Variants in PEMT observed in about 807,000 individuals in gnomAD.
PEMT encodes the protein phosphatidylethanolamine N-methyltransferase, also known as phospholipid methyltransferase.
A neutral mutation model predicts 27.4 loss-of-function variants in PEMT; 23 were observed. The observed-to-expected ratio is 0.84, with a 90% CI of 0.60 to 1.19. PEMT has a LOEUF of 1.19. PEMT is among the 50% of genes most tolerant of loss of function. The pLI, the probability that PEMT is intolerant of heterozygous loss-of-function variation, is 0.00. For missense variants in PEMT, 307 were observed against 310.1 expected (o/e 0.99, Z 0.07); for synonymous variants, 137 against 139.1 (o/e 0.98, Z 0.11).
In PEMT at chr17:17,505,723, C is replaced by T. The variant is rs962333087; in HGVS notation, c.*68G>A. 28 of 1,506,134 alleles carry T rather than the reference C, an allele frequency of 1.9e-5. No homozygotes were observed. Among genetic ancestry groups the T allele is most frequent in the South Asian group, 1.0e-4 (8 of 76,542 alleles). The allele number at this position is 1,506,134 out of a possible 1,614,324, so 93.3% of individuals were successfully genotyped here. ...AGCAGCAGGCACCATTCTCGCCCTG[C>T]GCAGGGCCTGCCACTTGGGGCAGGC... On this transcript the variant is annotated 3_prime_UTR_variant, in exon 7 of 7. Transcript: ENST00000255389.
chr17:17,551,522 G>C (rs1454024896), intron 2 of PEMT, among the ~76,000 whole-genome samples: 4 of 152,178 alleles, frequency 2.6e-5, no homozygotes, highest in Admixed American at 1.3e-4. Flanking sequence ...AGACAAGCTG[G>C]CGTGGGAGTG....
At chr17:17,548,452 C>T (rs1055579893) in intron 2 of PEMT, among the ~76,000 whole-genome samples, 1 of 152,224 alleles carries the variant, frequency 6.6e-6, no homozygotes, top group Non-Finnish European at 1.5e-5. Flanking sequence ...GATCATGTCA[C>T]CTGGGCCCTT....
intron 2 of PEMT, among the ~76,000 whole-genome samples, chr17:17,541,745 C>T (rs1194915330): frequency 1.3e-5 from 2 of 152,208 alleles, no homozygotes; most frequent in African/African-American, 2.4e-5. Context: ...CCTCAGCGAC[C>T]GGGGCCTGCC....
intron 3 of PEMT, chr17:17,518,109 A>T: frequency 1.0e-6 from 1 of 985,186 alleles, no homozygotes; most frequent in Non-Finnish European, 1.2e-6. Context: ...GCCCTGGGAG[A>T]CTCCAGGCAA....
intron 2 of PEMT, among the ~76,000 whole-genome samples, chr17:17,528,445 C>T (rs1175359708): frequency 2.6e-5 from 4 of 152,222 alleles, no homozygotes; most frequent in African/African-American, 9.6e-5. Flanking sequence ...TCAACAAGCA[C>T]GGGTCTGTGT....
chr17:17,553,887 A>G (rs1455203082), intron 2 of PEMT, among the ~76,000 whole-genome samples: 2 of 152,188 alleles, frequency 1.3e-5, no homozygotes, highest in African/African-American at 4.8e-5. Context: ...GAGGAGCCGC[A>G]CTTGGGGGAA....
At chr17:17,541,479 C>T (rs953580187) in intron 2 of PEMT, among the ~76,000 whole-genome samples, 1 of 152,236 alleles carries the variant, frequency 6.6e-6, no homozygotes, top group East Asian at 1.9e-4. Context: ...GACCACCGGC[C>T]GCAGCAGCAG....
chr17:17,538,679 G>A (rs1038292243), intron 2 of PEMT, among the ~76,000 whole-genome samples: 39 of 152,302 alleles, frequency 2.6e-4, no homozygotes, highest in Non-Finnish European at 3.8e-4. Context: ...TGATTTATGC[G>A]CAGCTTTTTA....
chr17:17,581,705 T>C (rs1046416658), intron 1 of PEMT, among the ~76,000 whole-genome samples: 2 of 152,088 alleles, frequency 1.3e-5, no homozygotes, highest in Non-Finnish European at 2.9e-5. Flanking sequence ...CTCCCCCCTC[T>C]CCCTCCTGTG....
intron 1 of PEMT, among the ~76,000 whole-genome samples, chr17:17,581,750 A>T (rs1911990904): frequency 6.6e-6 from 1 of 152,118 alleles, no homozygotes; most frequent in Admixed American, 6.5e-5. Flanking sequence ...AGCCTGTCTC[A>T]GGAGGGTGGT....
At chr17:17,581,686 AT>A (rs1269564543) in intron 1 of PEMT, among the ~76,000 whole-genome samples, 1 of 152,150 alleles carries the variant, frequency 6.6e-6, no homozygotes, top group Non-Finnish European at 1.5e-5. Flanking sequence ...GCTGGAACGT[AT>A]CCACCCCCTC....
chr17:17,545,980 C>T (rs1909234874), intron 2 of PEMT, among the ~76,000 whole-genome samples: 1 of 152,358 alleles, frequency 6.6e-6, no homozygotes, highest in East Asian at 1.9e-4. Context: ...AAGGAGGCCA[C>T]GACTGACCTT....
chr17:17,567,464 G>T (rs1289186035), intron 2 of PEMT, among the ~76,000 whole-genome samples: 3 of 152,260 alleles, frequency 2.0e-5, no homozygotes, highest in African/African-American at 4.8e-5. Flanking sequence ...GGGGCAGCAG[G>T]GCTGTTGCCA....
intron 2 of PEMT, among the ~76,000 whole-genome samples, chr17:17,571,420 A>T (rs1255536972): frequency 6.6e-6 from 1 of 151,874 alleles, no homozygotes; most frequent in Non-Finnish European, 1.5e-5. Context: ...AAGGAAGAGC[A>T]GGAGGAGGCC....
rs898742533 is a variant in PEMT at position 17,512,257 on chromosome 17, A to C, written c.466+252T>G. Among the ~76,000 whole-genome samples, 57 of 152,174 alleles carry C rather than the reference A, an allele frequency of 3.7e-4. No homozygotes were observed. Among genetic ancestry groups the C allele is most frequent in the Non-Finnish European group, 7.4e-4 (50 of 68,018 alleles). ...GAGTGCATCTTCATTAGCTGGAGAGAAGCAGCAGGAGCTGCCTTCACTCCC... is the reference window on the plus strand; with the variant it reads ...GAGTGCATCTTCATTAGCTGGAGAGCAGCAGCAGGAGCTGCCTTCACTCCC... On this transcript the variant is annotated intron_variant, in intron 4 of 6. Transcript: ENST00000255389. The surrounding 1 kb of genome is among the most constrained non-coding windows in gnomAD (Gnocchi z 6.3).
At chr17:17,526,555 C>A (rs955494235) in intron 2 of PEMT, among the ~76,000 whole-genome samples, 13 of 152,240 alleles carry the variant, frequency 8.5e-5, no homozygotes, top group African/African-American at 3.1e-4. Flanking sequence ...TCCCCCTATC[C>A]GTGGCTCAGA....
At chr17:17,570,586 A>G (rs1911124396) in intron 2 of PEMT, 1 of 985,328 alleles carries the variant, frequency 1.0e-6, no homozygotes, top group African/African-American at 1.7e-5. Context: ...CTGCGGTAAC[A>G]AAGGTCTGTG....
At chr17:17,586,260 G>GAAAGAAAGAAAGAAATAAAT (rs1912278878) in intron 1 of PEMT, among the ~76,000 whole-genome samples, 1 of 107,366 alleles carries the variant, frequency 9.3e-6, no homozygotes, top group Non-Finnish European at 1.8e-5. Context: ...AAGAAAGAAA[G>GAAAGAAAGAAAGAAATAAAT]AAAGAAAGAA....
intron 2 of PEMT, among the ~76,000 whole-genome samples, chr17:17,574,507 G>A (rs933977747): frequency 6.6e-5 from 10 of 152,046 alleles, no homozygotes; most frequent in Non-Finnish European, 1.3e-4. Flanking sequence ...TTTTAGTAGA[G>A]ATGAGGTTTC....
Sources: gnomAD v4.1 joint callset for allele counts (sites outside exome capture counted in the v4.1 genomes callset) on GRCh38, gnomAD v4.1.1 for gene constraint, Gnocchi (gnomAD v3.1) non-coding constraint, MANE v1.5 for transcripts, NCBI Gene and HGNC (gene_info 2026-07-23, HGNC 2026-07-21) for gene names.